The following MGAT5 variants were observed in gnomAD, a reference collection of about 807,000 sequenced individuals.
The protein encoded by MGAT5 is alpha-1,6-mannosylglycoprotein 6-beta-N-acetylglucosaminyltransferase, also known as alpha-1,6-mannosylglycoprotein 6-beta-N-acetylglucosaminyltransferase A.
MGAT5 carries 30 observed loss-of-function variants against 94.3 expected under a neutral mutation model. The observed-to-expected ratio is 0.32, with a 90% CI of 0.24 to 0.43. The LOEUF is 0.43. MGAT5 is among the 20% of genes least tolerant of loss of function. The pLI is 1.00. For synonymous variants in MGAT5, 310 were observed against 322.9 expected (o/e 0.96, Z 0.43); for missense variants, 691 against 905.5 (o/e 0.76, Z 3.04).
intron 1 of MGAT5, among the ~76,000 whole-genome samples, chr2:134,165,503 C>T (rs1003987628): frequency 1.4e-4 from 22 of 151,954 alleles, no homozygotes; most frequent in African/African-American, 4.8e-4. Context: ...GGGCCGGGCG[C>T]GGTGGCTCAT....
rs10628858 is a variant in MGAT5, at chr2:134,257,836, CTTT to C, written c.241+3209_241+3211del. Among the ~76,000 whole-genome samples, 24 of 106,430 alleles carry C rather than the reference CTTT, an allele frequency of 2.3e-4. 1 individual carries two copies. The highest frequency in any genetic ancestry group is 9.6e-4 in the East Asian group (3 of 3,130). 69.8% of individuals were successfully genotyped at this position (106,430 alleles called of 152,430 possible). On this transcript the variant is annotated intron_variant, in intron 1 of 15. Coordinates refer to ENST00000281923, the MANE Select transcript of MGAT5 (RefSeq NM_002410.5). ...TGCATAGGCCATTAGTTTGCAGTCT[CTTT>C]TTTTTTTTTTTTTTTTGCCATAAAT... is the stretch of plus-strand genomic sequence containing the variant.
chr2:134,129,635 ATAAG>A (rs1686022115), intron 1 of MGAT5, among the ~76,000 whole-genome samples: 1 of 152,022 alleles, frequency 6.6e-6, no homozygotes, highest in African/African-American at 2.4e-5. Flanking sequence ...TGGTATTTAA[ATAAG>A]GTTTGAGGTC....
chr2:134,294,409 A>G (rs754004587), intron 2 of MGAT5, among the ~76,000 whole-genome samples: 1 of 152,184 alleles, frequency 6.6e-6, no homozygotes, highest in Non-Finnish European at 1.5e-5. Context: ...TCGGGGTATG[A>G]TGTTCATATT....
intron 2 of MGAT5, among the ~76,000 whole-genome samples, chr2:134,295,050 G>A (rs1158274040): frequency 6.6e-6 from 1 of 152,160 alleles, no homozygotes; most frequent in Non-Finnish European, 1.5e-5. Context: ...TACCCTTTCT[G>A]TAGAAAGTAA....
chr2:134,224,324 A>ATGAG (rs1178262936), intron 1 of MGAT5, among the ~76,000 whole-genome samples: 1 of 152,226 alleles, frequency 6.6e-6, no homozygotes. Context: ...AGTGCTATGA[A>ATGAG]TGAGTGATAA....
intron 4 of MGAT5, among the ~76,000 whole-genome samples, chr2:134,333,166 A>G (rs1688089660): frequency 6.6e-6 from 1 of 152,118 alleles, no homozygotes; most frequent in Non-Finnish European, 1.5e-5. Context: ...TCACAATAGC[A>G]AAGACTTGGA....
intron 10 of MGAT5, among the ~76,000 whole-genome samples, chr2:134,364,751 G>A (rs1680316458): frequency 6.6e-6 from 1 of 152,140 alleles, no homozygotes; most frequent in Non-Finnish European, 1.5e-5. Flanking sequence ...ATTCTGTGCT[G>A]GAAAAAGCCC....
At chr2:134,314,485 G>A (rs1294791205) in intron 2 of MGAT5, among the ~76,000 whole-genome samples, 2 of 152,146 alleles carry the variant, frequency 1.3e-5, no homozygotes. Context: ...CTTAGTGTCT[G>A]GAGATCCAGC....
At chr2:134,354,772 G>T (rs1679620145) in intron 9 of MGAT5, among the ~76,000 whole-genome samples, 2 of 152,162 alleles carry the variant, frequency 1.3e-5, no homozygotes, top group South Asian at 2.1e-4. Context: ...CATTTGATTA[G>T]ATCTATTAAG....
intron 1 of MGAT5, among the ~76,000 whole-genome samples, chr2:134,155,718 C>A (rs1687441814): frequency 6.6e-6 from 1 of 152,304 alleles, no homozygotes; most frequent in East Asian, 1.9e-4. Context: ...CACTTGTCCT[C>A]CTGCCTCCCT....
intron 1 of MGAT5, among the ~76,000 whole-genome samples, chr2:134,124,297 G>A (rs566461294): frequency 6.6e-6 from 1 of 152,296 alleles, no homozygotes; most frequent in South Asian, 2.1e-4. Context: ...TGCCCATTTG[G>A]ACTGTTGTAT....
At chr2:134,363,138 G>A (rs1488790896) in intron 10 of MGAT5, among the ~76,000 whole-genome samples, 1 of 152,182 alleles carries the variant, frequency 6.6e-6, no homozygotes, top group Non-Finnish European at 1.5e-5. Context: ...TTTTTTTGAG[G>A]AAATGTTTTT....
intron 2 of MGAT5, among the ~76,000 whole-genome samples, chr2:134,317,228 T>C (rs1174915640): frequency 6.6e-6 from 1 of 152,174 alleles, no homozygotes; most frequent in East Asian, 1.9e-4. Flanking sequence ...GTTTGGTTTC[T>C]TAGTTTCCCT....
intron 1 of MGAT5, among the ~76,000 whole-genome samples, chr2:134,137,767 A>G (rs1463065342): frequency 6.6e-6 from 1 of 151,204 alleles, no homozygotes; most frequent in African/African-American, 2.4e-5. Context: ...TCATTTTTCT[A>G]TGTTATTGGT....
chr2:134,206,279 T>C (rs1680017386), intron 1 of MGAT5, among the ~76,000 whole-genome samples: 1 of 152,214 alleles, frequency 6.6e-6, no homozygotes, highest in Non-Finnish European at 1.5e-5. Context: ...TGCTGAGTCT[T>C]AGCATTCTAT....
chr2:134,321,059 T>C lies in MGAT5; in HGVS notation c.573+2320T>C, dbSNP rs146102361. On this transcript the variant is annotated intron_variant, in intron 4 of 15. Transcript: ENST00000281923. ...TCCTCATTAGCAGGCTGCTGGCAAA[T>C]TGACTTGATAGCATTTATATGAGTT... Among the ~76,000 whole-genome samples the C allele has an allele frequency of 2.5e-3, 378 of 152,256 alleles. 6 individuals carry two copies. Among genetic ancestry groups the C allele is most frequent in the East Asian group, 0.023 (117 of 5,164 alleles).
At chr2:134,260,024 G>C (rs1683218327) in intron 1 of MGAT5, among the ~76,000 whole-genome samples, 1 of 152,128 alleles carries the variant, frequency 6.6e-6, no homozygotes, top group Non-Finnish European at 1.5e-5. Flanking sequence ...TGGAAAGAGA[G>C]AGGTGGAGGC....
At chr2:134,359,260 C>T (rs1679936320) in intron 9 of MGAT5, among the ~76,000 whole-genome samples, 1 of 152,166 alleles carries the variant, frequency 6.6e-6, no homozygotes, top group Admixed American at 6.5e-5. Context: ...GCATGGTTTA[C>T]CACTGCTGTT....
At chr2:134,185,858 G>A (rs1000318385) in intron 1 of MGAT5, among the ~76,000 whole-genome samples, 3 of 152,196 alleles carry the variant, frequency 2.0e-5, no homozygotes, top group African/African-American at 7.2e-5. Context: ...AGATGCAGAG[G>A]CTGCTGTCCA....
Sources: gnomAD v4.1 joint callset for allele counts (sites outside exome capture counted in the v4.1 genomes callset) on GRCh38, gnomAD v4.1.1 for gene constraint, MANE v1.5 for transcripts, NCBI Gene and HGNC (gene_info 2026-07-23, HGNC 2026-07-21) for gene names.